ASPG: variants seen among roughly 807,000 people sequenced by gnomAD.
The protein encoded by ASPG is asparaginase.
ASPG carries 53 observed loss-of-function variants against 63.2 expected under a neutral mutation model. The observed-to-expected ratio is 0.84, with a 90% CI of 0.67 to 1.05. ASPG has a LOEUF of 1.05. Ranked by LOEUF, ASPG falls within the 50% of genes least tolerant of loss-of-function variation. ASPG has a pLI of 0.00. For synonymous variants in ASPG, 370 were observed against 355.0 expected (o/e 1.04, Z -0.48); for missense variants, 741 against 794.4 (o/e 0.93, Z 0.81).
In ASPG at chr14:104,110,386, G is replaced by A; in HGVS notation, c.1520+1071G>A. 1.0e-6 allele frequency: 1 copy of A among 985,372 alleles called. No homozygotes were observed. The highest frequency in any genetic ancestry group is 1.2e-6 in the Non-Finnish European group (1 of 829,910). 61.0% of individuals were successfully genotyped at this position (985,372 alleles called of 1,614,324 possible). On this transcript the variant is annotated intron_variant, in intron 13 of 15. Transcript: ENST00000551177. The surrounding 1 kb of genome is among the most constrained non-coding windows in gnomAD (Gnocchi z 4.7). ...TTGAAGGGACTTCCGGGGTGACTTGGTCAAGATTTGCACTCCAGACAGGCC... is the reference window on the plus strand; with the variant it reads ...TTGAAGGGACTTCCGGGGTGACTTGATCAAGATTTGCACTCCAGACAGGCC...
In ASPG at chr14:104,093,660, G is replaced by GTGGGTGGGGCTGGGGACTGC. The variant is rs1555381858; in HGVS notation, c.303+70_303+71insGGGACTGCTGGGTGGGGCTG. 4 of 893,840 alleles carry GTGGGTGGGGCTGGGGACTGC rather than the reference G, an allele frequency of 4.5e-6. No individual in the cohort carries two copies. In the African/African-American group the frequency reaches 2.4e-4, roughly 54 times the overall value. The allele number at this position is 893,840 out of a possible 1,614,324, so 55.4% of individuals were successfully genotyped here. A position where few individuals can be genotyped will look rare whatever the true frequency, so the allele number is the denominator to read the frequency against. On this transcript the variant is annotated intron_variant, in intron 3 of 15. Coordinates refer to ENST00000551177, the MANE Select transcript of ASPG (RefSeq NM_001080464.3). ...TGGTGTGTGGGTGGGGCTGAGGTGT[G>GTGGGTGGGGCTGGGGACTGC]TGGGTGGGGCTGTGGTGTGTGGGTG... is the stretch of plus-strand genomic sequence containing the variant.
In ASPG at chr14:104,104,744, G is replaced by T. The variant is rs573173966; in HGVS notation, c.1050+9G>T. ...TGGATGTCAGGAAGGAGGTGCGGGC[G>T]CTCTCGGGCTGTGGGCAACCCTCGG... On this transcript the variant is annotated intron_variant, in intron 9 of 15. Coordinates refer to ENST00000551177, the MANE Select transcript of ASPG (RefSeq NM_001080464.3). 2 of 1,579,176 alleles carry T rather than the reference G, an allele frequency of 1.3e-6. No individual in the cohort carries two copies. The highest frequency in any genetic ancestry group is 3.5e-5 in the Admixed American group (2 of 56,722).
At position 104,104,329 on chromosome 14, in the gene ASPG, T is replaced by C; in HGVS notation, c.779T>C (p.Leu260Pro). ...GTTCGGGCCTTCTTGCAGCCTCCCC[T>C]GAAGGGCGTGGTCATGGAGACCTTC... ...ALVRAFLQPP[L>P]KGVVMETFGS... Residue 260 changes from leucine to proline, a missense_variant, in exon 8 of 16, where the codon CTG (leucine) becomes CCG (proline). Physicochemically the swap from Leu to Pro is moderately conservative, Grantham distance 98. Transcript: ENST00000551177. 1 of 1,611,768 alleles carries C rather than the reference T, an allele frequency of 6.2e-7. No homozygotes were observed. Among genetic ancestry groups the C allele is most frequent in the Non-Finnish European group, 8.5e-7 (1 of 1,179,448 alleles).
intron 4 of ASPG, among the ~76,000 whole-genome samples, chr14:104,096,668 A>G (rs768009617): frequency 3.9e-5 from 6 of 152,192 alleles, no homozygotes; most frequent in Non-Finnish European, 8.8e-5. Flanking sequence ...AGGACCCACG[A>G]ACGTTCACAT....
In ASPG at chr14:104,107,196, C is replaced by G. The variant is rs776542441; in HGVS notation, c.1284C>G (p.Gly428=). 1 of 1,578,878 alleles carries G rather than the reference C, an allele frequency of 6.3e-7. No homozygotes were observed. Among genetic ancestry groups the G allele is most frequent in the Middle Eastern group, 1.7e-4 (1 of 5,880 alleles). ...TGTTACTCCAGGGCAGTGACCTGGG[C>G]CTGGTGGACTTTAACGGCCAAACCC... ...QALVELGSDL[G]LVDFNGQTPL... is the part of the protein sequence containing the mutation. Residue 428 remains glycine (G), a synonymous_variant, in exon 12 of 16, where the codon GGC becomes GGG. Coordinates refer to ENST00000551177, the MANE Select transcript of ASPG (RefSeq NM_001080464.3).
chr14:104,108,323 C>A (rs941550063), intron 12 of ASPG: 2 of 818,388 alleles, frequency 2.4e-6, no homozygotes, highest in East Asian at 2.5e-4. Flanking sequence ...CTAGACTGGG[C>A]GTCCTTGGGT....
At chr14:104,108,522 A>G (rs1197794014) in intron 12 of ASPG, 14 of 985,254 alleles carry the variant, frequency 1.4e-5, no homozygotes, top group South Asian at 4.7e-5. Context: ...CCTCATACCT[A>G]TTCCCAGGCT....
intron 5 of ASPG, 121 bp downstream of exon 5, chr14:104,097,758 C>T: frequency 1.2e-6 from 1 of 853,684 alleles, no homozygotes; most frequent in Non-Finnish European, 1.9e-6. Flanking sequence ...GCTGGGTGCA[C>T]TGTCTTCTAG....
intron 4 of ASPG, 61 bp downstream of exon 4, chr14:104,095,717 A>T: frequency 1.2e-6 from 2 of 1,600,612 alleles, no homozygotes; most frequent in Non-Finnish European, 1.7e-6. Context: ...AGGGCAAGTC[A>T]GCGCTGTGGG....
rs554912478 is a variant in ASPG at position 104,095,311 on chromosome 14, G to A, written c.304-220G>A. On this transcript the variant is annotated intron_variant, in intron 3 of 15. Transcript: ENST00000551177. ...TGAGGGGAGCCTCAGCGTGGTGGGT[G>A]CACCCGAGTGGCATGGAAGCCTCGG... 2.6e-5 allele frequency among the ~76,000 whole-genome samples: 4 copies of A among 152,324 alleles called. No individual in the cohort carries two copies. The South Asian group carries it at 8.3e-4, about 32-fold the overall frequency.
rs747316406 is a variant in ASPG, at chr14:104,114,913, C to T, written c.*2369C>T. ...GCTGTGAATCAGGGCCGCCTTGTCTCTTGCTGTGGTGTGAGGCTGTGGGAG... is the reference window on the plus strand; with the variant it reads ...GCTGTGAATCAGGGCCGCCTTGTCTTTTGCTGTGGTGTGAGGCTGTGGGAG... On this transcript the variant is annotated 3_prime_UTR_variant, in exon 16 of 16. Coordinates refer to ENST00000551177, the MANE Select transcript of ASPG (RefSeq NM_001080464.3). 2.6e-5 allele frequency: 4 copies of T among 152,228 alleles called. No homozygotes were observed. The highest frequency in any genetic ancestry group is 5.9e-5 in the Non-Finnish European group (4 of 68,076). The allele number at this position is 152,228 out of a possible 1,614,324, so 9.4% of individuals were successfully genotyped here. A position where few individuals can be genotyped will look rare whatever the true frequency, so the allele number is the denominator to read the frequency against.
chr14:104,105,847 C>T (rs1377133906), intron 10 of ASPG, among the ~76,000 whole-genome samples: 2 of 152,198 alleles, frequency 1.3e-5, no homozygotes, highest in Admixed American at 1.3e-4. Context: ...AGCCTTTGAG[C>T]ACGTCCCCTG....
intron 6 of ASPG, among the ~76,000 whole-genome samples, chr14:104,100,469 A>G (rs1220919123): frequency 1.3e-5 from 2 of 152,168 alleles, no homozygotes; most frequent in Admixed American, 6.5e-5. Context: ...CAGGTGAGAA[A>G]CGGAGGCAGA....
rs150520321 is a variant in ASPG at position 104,109,053 on chromosome 14, A to G, written c.1434-176A>G. On this transcript the variant is annotated intron_variant, in intron 12 of 15. Transcript: ENST00000551177. The surrounding 1 kb of genome is among the most constrained non-coding windows in gnomAD (Gnocchi z 4.8). ...TGGTGGGATCCCGGGATGATGTCAC[A>G]TGGGCCTAGGCAGAGGATGGGGGGA... The G allele has an allele frequency of 1.0e-4, 100 of 985,328 alleles. No individual in the cohort carries two copies. The African/African-American group carries it at 1.5e-3, about 15-fold the overall frequency. 61.0% of individuals were successfully genotyped at this position (985,328 alleles called of 1,614,324 possible). A position where few individuals can be genotyped will look rare whatever the true frequency, so the allele number is the denominator to read the frequency against.
chr14:104,099,745 T>G (rs922745581), intron 6 of ASPG, among the ~76,000 whole-genome samples: 7 of 152,168 alleles, frequency 4.6e-5, no homozygotes, highest in East Asian at 1.9e-4. Context: ...GGGAGATGCA[T>G]CCTGCCTGCC....
At chr14:104,101,310 G>A (rs1160242865) in intron 6 of ASPG, among the ~76,000 whole-genome samples, 1 of 152,230 alleles carries the variant, frequency 6.6e-6, no homozygotes, top group African/African-American at 2.4e-5. Context: ...GAGCCAGCTG[G>A]GGGTAGCAAT....
chr14:104,103,680 G>T lies in ASPG; in HGVS notation c.753+5G>T. The T allele has an allele frequency of 6.5e-7, 1 of 1,546,176 alleles. No individual in the cohort carries two copies. The highest frequency in any genetic ancestry group is 8.7e-7 in the Non-Finnish European group (1 of 1,145,682). ...CCTGGGATCCCTGCCGCCCTGGTAG[G>T]GACCGCCCCGGCCATCCTGCCCCTG... On this transcript the variant is annotated splice_donor_5th_base_variant and intron_variant, in intron 7 of 15. Transcript: ENST00000551177.
chr14:104,093,249 G>A, intron 2 of ASPG: 1 of 585,416 alleles, frequency 1.7e-6, no homozygotes, highest in Non-Finnish European at 3.1e-6. Flanking sequence ...TCGAGCTGGT[G>A]TGGGAAGAAG....
chr14:104,089,775 C>A (rs2036312188), intron 1 of ASPG, among the ~76,000 whole-genome samples: 1 of 151,662 alleles, frequency 6.6e-6, no homozygotes, highest in African/African-American at 2.4e-5. Context: ...ATGGCGAAAC[C>A]CCGTCTCTAC....
Sources: gnomAD v4.1 joint callset for allele counts (sites outside exome capture counted in the v4.1 genomes callset) on GRCh38, gnomAD v4.1.1 for gene constraint, Gnocchi (gnomAD v3.1) non-coding constraint, MANE v1.5 for transcripts, NCBI Gene and HGNC (gene_info 2026-07-23, HGNC 2026-07-21) for gene names.